Variants in NTM observed in about 807,000 individuals in gnomAD.
The protein encoded by NTM is neurotrimin.
Under a neutral mutation model 42.1 loss-of-function variants are expected in NTM, and 13 were observed. The observed-to-expected ratio is 0.31, with a 90% confidence interval of 0.20 to 0.49. The LOEUF (loss-of-function observed/expected upper bound fraction) is 0.49, where lower values mean the gene tolerates loss of function less well. Ranked by LOEUF, NTM falls within the 20% of genes least tolerant of loss-of-function variation. The pLI is 0.99. For synonymous variants in NTM, 187 were observed against 179.2 expected, an observed-to-expected ratio of 1.04 and a Z score of -0.35; for missense variants, 373 against 452.8, an observed-to-expected ratio of 0.82 and a Z score of 1.60.
intron 1 of NTM, among the ~76,000 whole-genome samples, chr11:131,814,545 GA>G (rs991024759): frequency 6.7e-6 from 1 of 149,968 alleles, no homozygotes; most frequent in East Asian, 2.0e-4. Context: ...GCTTAAAAAG[GA>G]AAAAAAAATA....
At chr11:131,978,558 G>T (rs2064767239) in intron 2 of NTM, among the ~76,000 whole-genome samples, 1 of 152,094 alleles carries the variant, frequency 6.6e-6, no homozygotes, top group South Asian at 2.1e-4. Flanking sequence ...CGAGGCTCCT[G>T]CAGCAGTAAC....
intron 2 of NTM, among the ~76,000 whole-genome samples, chr11:132,087,046 G>C (rs1423956882): frequency 9.2e-5 from 14 of 152,168 alleles, no homozygotes; most frequent in Admixed American, 9.2e-4. Context: ...TGCTCACCTA[G>C]AAAGAGGGGA....
intron 1 of NTM, among the ~76,000 whole-genome samples, chr11:131,523,323 G>A (rs1275100710): frequency 6.6e-6 from 1 of 152,184 alleles, no homozygotes; most frequent in African/African-American, 2.4e-5. Context: ...GCAAATGATG[G>A]TTAAAGTAAG....
intron 1 of NTM, among the ~76,000 whole-genome samples, chr11:131,497,912 G>A (rs756623653): frequency 3.9e-5 from 6 of 152,052 alleles, no homozygotes; most frequent in African/African-American, 4.8e-5. Context: ...TCGCCACTCC[G>A]GCTCATACCC....
intron 1 of NTM, among the ~76,000 whole-genome samples, chr11:131,664,690 T>C (rs1279716676): frequency 6.6e-6 from 1 of 151,488 alleles, no homozygotes; most frequent in Non-Finnish European, 1.5e-5. Flanking sequence ...TAGTTCATTA[T>C]CCCCAAAGTC....
intron 1 of NTM, among the ~76,000 whole-genome samples, chr11:131,497,638 C>T (rs917333796): frequency 4.6e-5 from 7 of 152,188 alleles, no homozygotes; most frequent in Admixed American, 2.6e-4. Context: ...AAAGCTTAGC[C>T]TGTTAATTTC....
Position 131,982,464 on chromosome 11 carries a change from A to T in NTM, c.167+70816A>T, listed in dbSNP as rs112638394. Among the ~76,000 whole-genome samples the T allele has an allele frequency of 8.0e-3, 1,222 of 152,216 alleles. 24 individuals are homozygous for T. Among genetic ancestry groups the T allele is most frequent in the African/African-American group, 0.028 (1,168 of 41,542 alleles). ...GTGGGATGAGGAAACAAGGAGGGTC[A>T]TGGAACAGACACAGCTGCTCCTGAA... is the stretch of plus-strand genomic sequence containing the variant. On this transcript the variant is annotated intron_variant, in intron 2 of 8. Coordinates refer to ENST00000683400, the MANE Select transcript of NTM (RefSeq NM_001352005.2).
intron 1 of NTM, among the ~76,000 whole-genome samples, chr11:131,529,706 T>A (rs994582059): frequency 6.6e-6 from 1 of 151,918 alleles, no homozygotes; most frequent in African/African-American, 2.4e-5. Flanking sequence ...AAGAGAAAAA[T>A]CAAAAGAAAG....
intron 1 of NTM, among the ~76,000 whole-genome samples, chr11:131,390,951 T>C (rs1943920782): frequency 6.6e-6 from 1 of 152,170 alleles, no homozygotes; most frequent in Non-Finnish European, 1.5e-5. Context: ...GGTTCGTATG[T>C]GGGCTTGTGT....
chr11:131,889,783 G>A (rs1328217240), intron 1 of NTM, among the ~76,000 whole-genome samples: 1 of 152,038 alleles, frequency 6.6e-6, no homozygotes, highest in Non-Finnish European at 1.5e-5. Context: ...GGAAAGTACA[G>A]GAACCCAAGA....
chr11:132,069,007 G>A (rs1037546313), intron 2 of NTM, among the ~76,000 whole-genome samples: 1 of 152,246 alleles, frequency 6.6e-6, no homozygotes, highest in Non-Finnish European at 1.5e-5. Flanking sequence ...GTATTTGATT[G>A]ACTAACTGGG....
intron 4 of NTM, among the ~76,000 whole-genome samples, chr11:132,232,201 C>T (rs1172926274): frequency 6.6e-6 from 1 of 152,136 alleles, no homozygotes; most frequent in Non-Finnish European, 1.5e-5. Flanking sequence ...AAACTTCCCA[C>T]TGTGCGAGGA....
rs114692798 is a variant in NTM, at chr11:131,865,347, T to A, written c.83-46217T>A. On this transcript the variant is annotated intron_variant, in intron 1 of 8. Transcript: ENST00000683400. ...TAACAATGTGCTTGTGAGCATAATA[T>A]AAATCAATGTGTGAAGTTGGGAGTG... 1.8e-3 allele frequency among the ~76,000 whole-genome samples: 271 copies of A among 152,284 alleles called. 2 individuals are homozygous for A. The highest frequency in any genetic ancestry group is 6.2e-3 in the African/African-American group (259 of 41,564).
chr11:131,547,976 C>T (rs991843137), intron 1 of NTM, among the ~76,000 whole-genome samples: 2 of 152,130 alleles, frequency 1.3e-5, no homozygotes, highest in Non-Finnish European at 2.9e-5. Flanking sequence ...TCAATCATAC[C>T]AAGAAGAGCA....
At chr11:132,096,267 G>A (rs1106362) in intron 2 of NTM, among the ~76,000 whole-genome samples, 20,946 of 152,168 alleles carry the variant, frequency 0.14, 1,527 homozygotes, top group Middle Eastern at 0.17. Flanking sequence ...AGAGTGTGTT[G>A]TAATTGGCCG....
chr11:131,490,691 T>C (rs1476764327), intron 1 of NTM, among the ~76,000 whole-genome samples: 1 of 152,238 alleles, frequency 6.6e-6, no homozygotes, highest in Non-Finnish European at 1.5e-5. Context: ...GATAGTCACC[T>C]GGTCATGTTT....
At chr11:131,438,679 C>T (rs532872030) in intron 1 of NTM, among the ~76,000 whole-genome samples, 9 of 152,236 alleles carry the variant, frequency 5.9e-5, no homozygotes, top group African/African-American at 1.2e-4. Flanking sequence ...GTTAGCCATT[C>T]GTCTAATCTT....
chr11:131,884,306 G>T (rs1438037218), intron 1 of NTM, among the ~76,000 whole-genome samples: 2 of 152,184 alleles, frequency 1.3e-5, no homozygotes, highest in East Asian at 3.9e-4. Flanking sequence ...CTACTCGGGA[G>T]GCTGAGGCAG....
At chr11:131,893,046 G>A (rs964368201) in intron 1 of NTM, among the ~76,000 whole-genome samples, 13 of 152,194 alleles carry the variant, frequency 8.5e-5, no homozygotes, top group Non-Finnish European at 1.5e-5. Context: ...AGGGCAGAAG[G>A]AGGCAGAAAA....
Sources: gnomAD v4.1 joint callset for allele counts (sites outside exome capture counted in the v4.1 genomes callset) on GRCh38, gnomAD v4.1.1 for gene constraint, MANE v1.5 for transcripts, NCBI Gene and HGNC (gene_info 2026-07-23, HGNC 2026-07-21) for gene names.